Variants in GSE1 observed in about 807,000 individuals in gnomAD.
GSE1 encodes Gse1 coiled-coil protein, also known as genetic suppressor element 1.
A neutral mutation model predicts 112.6 loss-of-function variants in GSE1; 32 were observed. The observed-to-expected ratio is 0.28, with a 90% CI of 0.21 to 0.38. The LOEUF is 0.38. Among genes scored for constraint, GSE1 ranks in the 10% least tolerant of loss-of-function variants. The probability of loss-of-function intolerance (pLI) is 1.00; values close to 1 mark genes in which losing one functional copy is unlikely to be tolerated. For missense variants in GSE1, 2,348 were observed against 1,699.2 expected (o/e 1.38, Z -6.71); for synonymous variants, 1,115 against 735.6 (o/e 1.52, Z -8.35).
chr16:85,671,259 T>C (rs957133765), intron 15 of GSE1, among the ~76,000 whole-genome samples, 161 bp downstream of exon 15: 1 of 151,446 alleles, frequency 6.6e-6, no homozygotes, highest in Non-Finnish European at 1.5e-5. Flanking sequence ...GCTAAAACGG[T>C]GAAACCCTGT....
rs151057652 is a variant in GSE1, at chr16:85,195,623, C to T, written c.2283+23816C>T. ...TGGGTCCCCCCTGCTAATCCCCTAT[C>T]GAGGTAAAGATTCCAGGGGGTGCAT... On this transcript the variant is annotated intron_variant, in intron 1 of 2. Transcript: ENST00000637419. Among the ~76,000 whole-genome samples the T allele has an allele frequency of 3.1e-3, 473 of 152,326 alleles. 1 individual carries two copies. The highest frequency in any genetic ancestry group is 0.014 in the Middle Eastern group (4 of 294).
chr16:85,329,936 G>C (rs1296394653), intron 1 of GSE1, among the ~76,000 whole-genome samples: 1 of 150,716 alleles, frequency 6.6e-6, no homozygotes, highest in South Asian at 2.1e-4. Context: ...AGAGGCTGGT[G>C]GGGGGGCAGG....
intron 1 of GSE1, among the ~76,000 whole-genome samples, chr16:85,315,930 G>A (rs1047219275): frequency 8.4e-6 from 1 of 119,662 alleles, no homozygotes; most frequent in African/African-American, 3.8e-5. Context: ...CCTAGTGGGA[G>A]GGGGGGTGAA....
intron 1 of GSE1, among the ~76,000 whole-genome samples, chr16:85,566,927 G>C (rs1253353273): frequency 2.0e-5 from 3 of 152,208 alleles, no homozygotes; most frequent in East Asian, 1.9e-4. Flanking sequence ...GGGCAGTAGG[G>C]GGCGGTCACG....
intron 1 of GSE1, among the ~76,000 whole-genome samples, chr16:85,585,288 C>T (rs1598281791): frequency 6.6e-6 from 1 of 152,322 alleles, no homozygotes; most frequent in African/African-American, 2.4e-5. Flanking sequence ...CCCAAGGGCT[C>T]CAGGAACCAG....
chr16:85,201,144 C>T (rs749059421), intron 1 of GSE1, among the ~76,000 whole-genome samples: 10 of 152,158 alleles, frequency 6.6e-5, no homozygotes, highest in Non-Finnish European at 1.3e-4. Context: ...GCAATCATAG[C>T]TCACTGCAGC....
Position 85,531,964 on chromosome 16 carries a change from C to T in GSE1, c.2465-101950C>T, listed in dbSNP as rs1049298659. ...CCCCAGGGAGCTGATGGAGAAGGGGCGCGAGTAGGGGGGCAGGCAGAGGCA... is the reference window on the plus strand; with the variant it reads ...CCCCAGGGAGCTGATGGAGAAGGGGTGCGAGTAGGGGGGCAGGCAGAGGCA... On this transcript the variant is annotated intron_variant, in intron 2 of 2. Transcript: ENST00000637419. 6.6e-5 allele frequency among the ~76,000 whole-genome samples: 10 copies of T among 152,152 alleles called. No individual in the cohort carries two copies. In the South Asian group the frequency reaches 1.0e-3, roughly 16 times the overall value.
At chr16:85,624,790 C>G (rs1483407708) in intron 1 of GSE1, among the ~76,000 whole-genome samples, 1 of 152,142 alleles carries the variant, frequency 6.6e-6, no homozygotes, top group Non-Finnish European at 1.5e-5. Context: ...GGGAAGCAGC[C>G]CATGGGGAGA....
chr16:85,471,729 T>C (rs1046566251), intron 2 of GSE1, among the ~76,000 whole-genome samples: 37 of 152,078 alleles, frequency 2.4e-4, no homozygotes, highest in African/African-American at 8.7e-4. Context: ...TTTACTTTTT[T>C]TCGATGATCT....
intron 2 of GSE1, among the ~76,000 whole-genome samples, chr16:85,547,056 C>T (rs1156630276): frequency 1.3e-5 from 2 of 152,174 alleles, no homozygotes; most frequent in East Asian, 1.9e-4. Context: ...CGGGCAGCCT[C>T]ACCACACCCC....
At chr16:85,505,503 A>T (rs1011058640) in intron 2 of GSE1, among the ~76,000 whole-genome samples, 11 of 152,160 alleles carry the variant, frequency 7.2e-5, no homozygotes, top group African/African-American at 2.7e-4. Context: ...TGAGAGCATG[A>T]TTTGAAGGTG....
Position 85,665,041 on chromosome 16 carries a change from C to G in GSE1, c.2671C>G (p.Arg891Gly). The change falls in exon 12 of 16, where the codon CGT becomes GGT. Residue 891 changes from arginine to glycine, a missense_variant. Arg to Gly is a moderately radical substitution (Grantham distance 125). Coordinates refer to ENST00000253458, the MANE Select transcript of GSE1 (RefSeq NM_014615.5). ...CAAAGAGAGACTTGTTGAAATGCTC[C>G]GTGCCATGAAGCAGAAGGCACTGTC... is the stretch of plus-strand genomic sequence containing the variant. ...KDKERLVEMLRAMKQKALSAA... is the reference protein window; with the variant it reads ...KDKERLVEMLGAMKQKALSAA... 1 of 1,609,944 alleles carries G rather than the reference C, an allele frequency of 6.2e-7. No homozygotes were observed. Among genetic ancestry groups the G allele is most frequent in the East Asian group, 2.2e-5 (1 of 44,858 alleles).
At chr16:85,512,694 G>A (rs546317310) in intron 2 of GSE1, among the ~76,000 whole-genome samples, 2 of 152,214 alleles carry the variant, frequency 1.3e-5, no homozygotes, top group South Asian at 2.1e-4. Flanking sequence ...CACACCACAC[G>A]CATTAGAGTC....
chr16:85,467,489 G>C (rs2050157535), intron 2 of GSE1, among the ~76,000 whole-genome samples: 1 of 152,204 alleles, frequency 6.6e-6, no homozygotes, highest in Non-Finnish European at 1.5e-5. Flanking sequence ...CGGGGGCTGG[G>C]TTGGGGAGCA....
intron 2 of GSE1, among the ~76,000 whole-genome samples, chr16:85,439,260 C>T (rs1211338497): frequency 6.6e-6 from 1 of 152,252 alleles, no homozygotes. Context: ...TTAGGACAGC[C>T]AGGAGGCACC....
upstream of GSE1, among the ~76,000 whole-genome samples, chr16:85,551,779 G>A (rs913872062): frequency 2.0e-5 from 3 of 152,248 alleles, no homozygotes; most frequent in Non-Finnish European, 4.4e-5. Context: ...TCCTTCCCGA[G>A]GATGTGGCTA....
At chr16:85,467,260 G>A (rs777226898) in intron 2 of GSE1, among the ~76,000 whole-genome samples, 13 of 152,316 alleles carry the variant, frequency 8.5e-5, no homozygotes, top group Non-Finnish European at 7.4e-5. Flanking sequence ...TGCCTCTTAC[G>A]GGTTGTGCGC....
chr16:85,253,561 A>C (rs1906746205), intron 1 of GSE1, among the ~76,000 whole-genome samples: 1 of 151,862 alleles, frequency 6.6e-6, no homozygotes, highest in African/African-American at 2.4e-5. Flanking sequence ...GGGAGGCCTC[A>C]CCCTCCCAGG....
chr16:85,379,212 G>A (rs747146795), intron 2 of GSE1, among the ~76,000 whole-genome samples: 3 of 152,126 alleles, frequency 2.0e-5, no homozygotes, highest in Non-Finnish European at 4.4e-5. Flanking sequence ...GGCCTCCTCC[G>A]CATGCAGTGC....
Sources: allele counts gnomAD v4.1 joint callset (sites outside exome capture counted in the v4.1 genomes callset), GRCh38; gene constraint gnomAD v4.1.1; transcripts MANE v1.5; gene names NCBI Gene and HGNC (gene_info 2026-07-23, HGNC 2026-07-21).